The following SETBP1 variants were observed in gnomAD, a reference collection of about 807,000 sequenced individuals.
SETBP1 encodes SET-binding protein.
SETBP1 carries 9 observed loss-of-function variants against 101.0 expected under a neutral mutation model. That is an observed-to-expected ratio of 0.09 (90% confidence interval 0.05 to 0.16). The LOEUF (loss-of-function observed/expected upper bound fraction) is 0.16. Ranked by LOEUF, SETBP1 falls within the 10% of genes least tolerant of loss-of-function variation. SETBP1 has a pLI of 1.00. For synonymous variants in SETBP1, 818 were observed against 788.5 expected (o/e 1.04, Z -0.63); for missense variants, 1,858 against 2,033.8 (o/e 0.91, Z 1.66).
At chr18:44,992,719 C>T (rs913670479) in intron 4 of SETBP1, among the ~76,000 whole-genome samples, 4 of 152,016 alleles carry the variant, frequency 2.6e-5, no homozygotes, top group Middle Eastern at 3.4e-3. Flanking sequence ...GTTTAAAAAT[C>T]GTTTAAATAA....
chr18:44,833,423 T>G (rs556682639), intron 2 of SETBP1, among the ~76,000 whole-genome samples: 92 of 151,570 alleles, frequency 6.1e-4, no homozygotes, highest in African/African-American at 2.1e-3. Context: ...ATGAGGAGAG[T>G]CCCTGGGAGT....
intron 2 of SETBP1, among the ~76,000 whole-genome samples, chr18:44,815,643 G>A (rs150702718): frequency 2.0e-5 from 3 of 152,202 alleles, no homozygotes; most frequent in Admixed American, 6.5e-5. Flanking sequence ...TGCAGGGCAA[G>A]TGATAGGACT....
At chr18:44,927,229 A>G (rs898391818) in intron 3 of SETBP1, among the ~76,000 whole-genome samples, 2 of 152,204 alleles carry the variant, frequency 1.3e-5, no homozygotes, top group African/African-American at 4.8e-5. Flanking sequence ...TTAATGAATG[A>G]TTCTCTGATG....
At chr18:44,747,972 T>C (rs1226144906) in intron 2 of SETBP1, among the ~76,000 whole-genome samples, 1 of 152,206 alleles carries the variant, frequency 6.6e-6, no homozygotes, top group African/African-American at 2.4e-5. Flanking sequence ...TCAGGTTGTA[T>C]TTGTAAAGAT....
At chr18:44,749,696 T>A (rs1243477935) in intron 2 of SETBP1, among the ~76,000 whole-genome samples, 1 of 152,098 alleles carries the variant, frequency 6.6e-6, no homozygotes, top group East Asian at 1.9e-4. Context: ...TCTCACCAAA[T>A]CTAAGATATC....
chr18:45,012,720 T>TG (rs1409595127), intron 4 of SETBP1, among the ~76,000 whole-genome samples: 7 of 152,294 alleles, frequency 4.6e-5, no homozygotes, highest in Admixed American at 1.3e-4. Flanking sequence ...GCAAAATGGA[T>TG]GGAACTACCA....
intron 2 of SETBP1, among the ~76,000 whole-genome samples, chr18:44,791,720 C>A (rs921803256): frequency 2.0e-5 from 3 of 147,538 alleles, no homozygotes; most frequent in East Asian, 4.0e-4. Context: ...CCTGTGGGGG[C>A]GAGAGAGAGA....
chr18:44,724,275 G>A (rs1404289305), intron 2 of SETBP1, among the ~76,000 whole-genome samples: 8 of 152,186 alleles, frequency 5.3e-5, no homozygotes, highest in Admixed American at 5.2e-4. Context: ...GAATGTGAAT[G>A]TTGGGAAAAG....
chr18:44,950,092 T>G lies in SETBP1; in HGVS notation c.752T>G (p.Ile251Ser). The stretch of plus-strand genomic sequence containing the variant: ...AGAGAAACTGCAAGCACCAGCAAGA[T>G]CCCCGCTCTTGAGCCCGTGGCTTCC... ...SGRETASTSK[I>S]PALEPVASFA... The change falls in exon 4 of 6, where the codon ATC (isoleucine) becomes AGC (serine). Residue 251 changes from isoleucine to serine, a missense_variant. Physicochemically the swap from Ile to Ser is moderately radical, Grantham distance 142 (BLOSUM62 -2). Transcript: ENST00000649279. The G allele has an allele frequency of 6.2e-7, 1 of 1,614,136 alleles. No individual in the cohort carries two copies. The highest frequency in any genetic ancestry group is 8.5e-7 in the Non-Finnish European group (1 of 1,180,036).
At chr18:44,901,756 G>A (rs1289661914) in intron 3 of SETBP1, among the ~76,000 whole-genome samples, 2 of 152,160 alleles carry the variant, frequency 1.3e-5, no homozygotes, top group East Asian at 3.9e-4. Context: ...TGATACTGGG[G>A]AGATCCATTC....
At chr18:44,840,194 A>G (rs980317042) in intron 2 of SETBP1, among the ~76,000 whole-genome samples, 2 of 152,214 alleles carry the variant, frequency 1.3e-5, no homozygotes, top group Admixed American at 6.5e-5. Flanking sequence ...GGCAAGGTCA[A>G]CATGGCAAAT....
chr18:44,998,354 C>G (rs781075206), intron 4 of SETBP1, among the ~76,000 whole-genome samples: 2 of 152,204 alleles, frequency 1.3e-5, no homozygotes, highest in African/African-American at 4.8e-5. Flanking sequence ...GACTCTGTGG[C>G]GACCTCTGCC....
intron 5 of SETBP1, among the ~76,000 whole-genome samples, chr18:45,053,132 A>G (rs1172262786): frequency 1.4e-5 from 2 of 140,876 alleles, no homozygotes; most frequent in Admixed American, 7.0e-5. Flanking sequence ...TGTTGGGGGA[A>G]AAAAAAAATG....
chr18:44,960,929 T>C (rs561975830), intron 4 of SETBP1, among the ~76,000 whole-genome samples: 1 of 152,372 alleles, frequency 6.6e-6, no homozygotes, highest in East Asian at 1.9e-4. Flanking sequence ...ATTTCATCTC[T>C]TTCCCTCTCT....
At chr18:44,914,554 C>T (rs1250454202) in intron 3 of SETBP1, among the ~76,000 whole-genome samples, 1 of 152,182 alleles carries the variant, frequency 6.6e-6, no homozygotes, top group African/African-American at 2.4e-5. Flanking sequence ...TTTTGAGTGA[C>T]TATCACCTTT....
At chr18:45,033,491 A>G (rs1471386364) in intron 4 of SETBP1, among the ~76,000 whole-genome samples, 1 of 152,218 alleles carries the variant, frequency 6.6e-6, no homozygotes. Context: ...CTAACTGCTC[A>G]ATATAACTCC....
chr18:44,735,601 C>T (rs1164315419), intron 2 of SETBP1, among the ~76,000 whole-genome samples: 1 of 152,178 alleles, frequency 6.6e-6, no homozygotes, highest in Non-Finnish European at 1.5e-5. Context: ...GCGGGGGTAC[C>T]TATGATAGGT....
intron 2 of SETBP1, among the ~76,000 whole-genome samples, chr18:44,801,103 G>A (rs2071598024): frequency 6.6e-6 from 1 of 152,068 alleles, no homozygotes. Flanking sequence ...GACATAGGAA[G>A]GGGAATATCA....
intron 2 of SETBP1, among the ~76,000 whole-genome samples, chr18:44,804,635 A>G (rs917523286): frequency 6.6e-6 from 1 of 152,146 alleles, no homozygotes; most frequent in Non-Finnish European, 1.5e-5. Context: ...CTCATGGTCT[A>G]TGAGAGAACA....
Sources: allele counts gnomAD v4.1 joint callset (sites outside exome capture counted in the v4.1 genomes callset), GRCh38; gene constraint gnomAD v4.1.1; transcripts MANE v1.5; gene names NCBI Gene and HGNC (gene_info 2026-07-23, HGNC 2026-07-21).